TBKBP1: variants seen among roughly 807,000 people sequenced by gnomAD.
TBKBP1 encodes TBK1 binding protein 1, also known as TANK-binding kinase 1-binding protein 1.
In TBKBP1, 47 loss-of-function variants were observed where a neutral mutation model predicts 69.9. The observed-to-expected ratio is 0.67, with a 90% CI of 0.53 to 0.86. The LOEUF is 0.86. Among genes scored for constraint, TBKBP1 ranks in the 40% least tolerant of loss-of-function variants. The pLI is 0.00. For synonymous variants in TBKBP1, 418 were observed against 390.3 expected, an observed-to-expected ratio of 1.07 and a Z score of -0.84; for missense variants, 831 against 858.6, an observed-to-expected ratio of 0.97 and a Z score of 0.40.
In TBKBP1 at chr17:47,711,825, A is replaced by C. The variant is rs2031935260; in HGVS notation, c.*1199A>C. 6.6e-6 allele frequency: 1 copy of C among 152,524 alleles called. No individual in the cohort carries two copies. Among genetic ancestry groups the C allele is most frequent in the African/African-American group, 2.4e-5 (1 of 41,380 alleles). The allele number at this position is 152,524 out of a possible 1,614,324, so 9.4% of individuals were successfully genotyped here. ...GAGCAGTGGCCGCTACCGACAGCGC[A>C]TGTCCCGCTCTTATCCAACTCTTCC... On this transcript the variant is annotated 3_prime_UTR_variant, in exon 10 of 10. Transcript: ENST00000578982.
At position 47,700,274 on chromosome 17, in the gene TBKBP1, C is replaced by A. The variant is rs559185063; in HGVS notation, c.872+577C>A. On this transcript the variant is annotated intron_variant, in intron 7 of 9. Transcript: ENST00000578982. Reference sequence around the variant, plus strand: ...AAAGTGCTGGGATTATAGGAGTGAGCCACTGCGCCCGGACCTTTTTTTTTT... The same window carrying A: ...AAAGTGCTGGGATTATAGGAGTGAGACACTGCGCCCGGACCTTTTTTTTTT... 9.3e-5 allele frequency among the ~76,000 whole-genome samples: 11 copies of A among 117,888 alleles called. No individual in the cohort carries two copies. In the East Asian group the frequency reaches 2.6e-3, roughly 27 times the overall value. 77.3% of individuals were successfully genotyped at this position (117,888 alleles called of 152,430 possible).
rs777036369 is a variant in TBKBP1 at position 47,696,262 on chromosome 17, C to T, written c.150C>T (p.Asp50=). ...TTGCCCTCATCACTGCTTACGGAGA[C>T]ATCAAGGAACGGCTGGGGGGCCTGG... is the stretch of plus-strand genomic sequence containing the variant. ...SHFALITAYG[D]IKERLGGLER... The change falls in exon 2 of 10, where the codon GAC becomes GAT. Residue 50 remains aspartate (D), a synonymous_variant. Transcript: ENST00000578982. 1.2e-6 allele frequency: 2 copies of T among 1,613,568 alleles called. No individual in the cohort carries two copies. The highest frequency in any genetic ancestry group is 2.7e-5 in the African/African-American group (2 of 74,900).
Position 47,708,338 on chromosome 17 carries a change from G to A in TBKBP1, c.873-56G>A. The A allele has an allele frequency of 6.3e-7, 1 of 1,584,738 alleles. No homozygotes were observed. The highest frequency in any genetic ancestry group is 8.7e-7 in the Non-Finnish European group (1 of 1,155,944). On this transcript the variant is annotated intron_variant, in intron 7 of 9. Coordinates refer to ENST00000578982, the MANE Select transcript of TBKBP1 (RefSeq NM_001394755.1). This position sits in a 1 kb window ranked among gnomAD's most constrained non-coding sequence, Gnocchi z 4.4. Reference sequence around the variant, plus strand: ...GGGTAGAGCCAGTTCTTCCTCCACAGCTGGGACGGTAGACCCACTGCCCTT... The same window carrying A: ...GGGTAGAGCCAGTTCTTCCTCCACAACTGGGACGGTAGACCCACTGCCCTT...
intron 1 of TBKBP1, chr17:47,695,283 C>A (rs1429469324): frequency 2.0e-5 from 3 of 152,630 alleles, no homozygotes; most frequent in African/African-American, 7.2e-5. Context: ...ACACACGCAC[C>A]CCCTCACTGC....
chr17:47,699,825 T>TC, intron 7 of TBKBP1, 128 bp downstream of exon 7: 1 of 204,242 alleles, frequency 4.9e-6, no homozygotes, highest in Non-Finnish European at 8.9e-6. Flanking sequence ...GGTGGGGTTC[T>TC]TTTTTTTTTT....
intron 7 of TBKBP1, among the ~76,000 whole-genome samples, chr17:47,703,872 G>A (rs1047212817): frequency 3.9e-5 from 6 of 152,166 alleles, no homozygotes; most frequent in African/African-American, 1.4e-4. Flanking sequence ...GCAGGGAAGT[G>A]AAGTAATCTG....
In TBKBP1 at chr17:47,711,551, GA is replaced by G. The variant is rs1270424290; in HGVS notation, c.*926del. 6.6e-6 allele frequency: 1 copy of G among 152,638 alleles called. No homozygotes were observed. Among genetic ancestry groups the G allele is most frequent in the South Asian group, 2.1e-4 (1 of 4,832 alleles). 9.5% of individuals were successfully genotyped at this position (152,638 alleles called of 1,614,324 possible). The stretch of plus-strand genomic sequence containing the variant: ...GCCCCTGCCTCCCAGGCCAGAACCT[GA>G]GAACGGGCCCAGGGTGCTGTGGAGA... On this transcript the variant is annotated 3_prime_UTR_variant, in exon 10 of 10. Transcript: ENST00000578982.
At position 47,708,929 on chromosome 17, in the gene TBKBP1, G is replaced by T; in HGVS notation, c.1196G>T (p.Arg399Leu). 2 of 1,282,454 alleles carry T rather than the reference G, an allele frequency of 1.6e-6. No individual in the cohort carries two copies. Among genetic ancestry groups the T allele is most frequent in the South Asian group, 1.7e-5 (1 of 60,474 alleles). 79.4% of individuals were successfully genotyped at this position (1,282,454 alleles called of 1,614,324 possible). ...PSCPSPVPQR[R>L]SPVPPSCQSP... ...TGCCCGTCGCCCGTCCCGCAGCGCC[G>T]CTCGCCGGTGCCGCCGTCGTGCCAG... Residue 399 changes from arginine (R) to leucine (L), a missense_variant, in exon 9 of 10, where the codon CGC (arginine) becomes CTC (leucine). Physicochemically the swap from Arg to Leu is moderately radical, Grantham distance 102. Transcript: ENST00000578982. This position sits in a 1 kb window ranked among gnomAD's most constrained non-coding sequence, Gnocchi z 4.4.
chr17:47,701,354 G>GACAC (rs145407261), intron 7 of TBKBP1, among the ~76,000 whole-genome samples: 8,625 of 143,844 alleles, frequency 0.06, 382 homozygotes, highest in East Asian at 0.15. Context: ...GACACACACA[G>GACAC]ACACACACAC....
rs55849029 is a variant in TBKBP1, at chr17:47,706,828, G to GACACACACACAC, written c.873-1535_873-1524dup. On this transcript the variant is annotated intron_variant, in intron 7 of 9. Coordinates refer to ENST00000578982, the MANE Select transcript of TBKBP1 (RefSeq NM_001394755.1). ...CTCCTCTCCTTTAGGGTTAGACTTAGACACACACACACACACACACACACA... is the reference window on the plus strand; with the variant it reads ...CTCCTCTCCTTTAGGGTTAGACTTAGACACACACACACACACACACACACACACACACACACA... 1.2e-3 allele frequency among the ~76,000 whole-genome samples: 159 copies of GACACACACACAC among 134,216 alleles called. 1 individual carries two copies. The highest frequency in any genetic ancestry group is 1.8e-3 in the South Asian group (7 of 3,944). The allele number at this position is 134,216 out of a possible 152,430, so 88.1% of individuals were successfully genotyped here. A position where few individuals can be genotyped will look rare whatever the true frequency, so the allele number is the denominator to read the frequency against.
intron 6 of TBKBP1, 29 bp from the exon 7 acceptor site, chr17:47,699,607 G>C (rs898491025): frequency 2.2e-5 from 36 of 1,613,860 alleles, no homozygotes; most frequent in Non-Finnish European, 2.8e-5. Flanking sequence ...GGTGAGCTTG[G>C]GCTCTGACCT....
rs571834162 is a variant in TBKBP1 at position 47,696,486 on chromosome 17, G to A, written c.225+149G>A. On this transcript the variant is annotated intron_variant, in intron 2 of 9. Coordinates refer to ENST00000578982, the MANE Select transcript of TBKBP1 (RefSeq NM_001394755.1). ...CTCCCATGAGAGACGTGGCTGTTCCGGATGCGAACTGTCTCCTGTTGGCTT... is the reference window on the plus strand; with the variant it reads ...CTCCCATGAGAGACGTGGCTGTTCCAGATGCGAACTGTCTCCTGTTGGCTT... 66 of 1,141,170 alleles carry A rather than the reference G, an allele frequency of 5.8e-5. No homozygotes were observed. The East Asian group carries it at 1.3e-3, about 23-fold the overall frequency. The allele number at this position is 1,141,170 out of a possible 1,614,324, so 70.7% of individuals were successfully genotyped here. A position where few individuals can be genotyped will look rare whatever the true frequency, so the allele number is the denominator to read the frequency against.
chr17:47,696,632 G>C, intron 2 of TBKBP1, 79 bp from the exon 3 acceptor site: 1 of 1,604,278 alleles, frequency 6.2e-7, no homozygotes, highest in Non-Finnish European at 8.5e-7. Context: ...GGCAGGTTGT[G>C]GGTTGGGGGC....
Position 47,708,994 on chromosome 17 carries a change from T to C in TBKBP1, c.1261T>C (p.Cys421Arg). The C allele has an allele frequency of 7.1e-6, 8 of 1,124,836 alleles. No individual in the cohort carries two copies. Among genetic ancestry groups the C allele is most frequent in the Non-Finnish European group, 8.7e-6 (8 of 920,508 alleles). The allele number at this position is 1,124,836 out of a possible 1,614,324, so 69.7% of individuals were successfully genotyped here. ...PQRRSPVPPS[C>R]PAPQPRPPPP... The stretch of plus-strand genomic sequence containing the variant: ...GCGCCGTTCCCCGGTGCCCCCCAGC[T>C]GCCCGGCCCCGCAGCCCCGGCCACC... The change falls in exon 9 of 10, where the codon TGC becomes CGC. Residue 421 changes from cysteine (C) to arginine (R), a missense_variant. Coordinates refer to ENST00000578982, the MANE Select transcript of TBKBP1 (RefSeq NM_001394755.1). The surrounding 1 kb of genome is among the most constrained non-coding windows in gnomAD (Gnocchi z 4.4).
intron 9 of TBKBP1, 61 bp downstream of exon 9, chr17:47,709,513 G>C: frequency 7.0e-7 from 1 of 1,432,350 alleles, no homozygotes; most frequent in Non-Finnish European, 9.1e-7. Flanking sequence ...AGACCCCAGC[G>C]CCTCACCCTC....
At position 47,697,258 on chromosome 17, in the gene TBKBP1, T is replaced by A; in HGVS notation, c.453+65T>A. The A allele has an allele frequency of 5.0e-6, 7 of 1,402,576 alleles. No homozygotes were observed. The South Asian group carries it at 8.7e-5, about 17-fold the overall frequency. 86.9% of individuals were successfully genotyped at this position (1,402,576 alleles called of 1,614,324 possible). On this transcript the variant is annotated intron_variant, in intron 4 of 9. Transcript: ENST00000578982. The stretch of plus-strand genomic sequence containing the variant: ...CTGGTTGTGTGTGTGCATGTGTGCA[T>A]TTAGTTCTGTGTGTGAGGATTCCAG...
Position 47,698,659 on chromosome 17 carries a change from A to G in TBKBP1, c.518A>G (p.Gln173Arg), listed in dbSNP as rs781370878. ...TTGGAGCAGCAGCTGCGGCAACAGC[A>G]AGGCCTCCAGGATGCAGCCTTCTCC... ...CGLEQQLRQQQGLQDAAFSNL... is the reference protein window; with the variant it reads ...CGLEQQLRQQRGLQDAAFSNL... Residue 173 changes from glutamine to arginine, a missense_variant, in exon 5 of 10, where the codon CAA (glutamine) becomes CGA (arginine). Coordinates refer to ENST00000578982, the MANE Select transcript of TBKBP1 (RefSeq NM_001394755.1). 18 of 1,603,388 alleles carry G rather than the reference A, an allele frequency of 1.1e-5. No individual in the cohort carries two copies. In the South Asian group the frequency reaches 2.0e-4, roughly 18 times the overall value.
Position 47,709,311 on chromosome 17 carries a change from G to T in TBKBP1, c.1578G>T (p.Trp526Cys). The T allele has an allele frequency of 6.5e-7, 1 of 1,529,670 alleles. No individual in the cohort carries two copies. The highest frequency in any genetic ancestry group is 8.7e-7 in the Non-Finnish European group (1 of 1,145,474). 94.8% of individuals were successfully genotyped at this position (1,529,670 alleles called of 1,614,324 possible). A position where few individuals can be genotyped will look rare whatever the true frequency, so the allele number is the denominator to read the frequency against. The change falls in exon 9 of 10, where the codon TGG becomes TGT. Residue 526 changes from tryptophan to cysteine, a missense_variant. Physicochemically the swap from Trp to Cys is radical, Grantham distance 215 (BLOSUM62 -2). Coordinates refer to ENST00000578982, the MANE Select transcript of TBKBP1 (RefSeq NM_001394755.1). ...FEKQPSEEDE[W>C]AVPTSPPSPE... Reference sequence around the variant, plus strand: ...AGCAGCCGTCGGAGGAGGACGAGTGGGCTGTGCCCACCAGCCCGCCCAGCC... The same window carrying T: ...AGCAGCCGTCGGAGGAGGACGAGTGTGCTGTGCCCACCAGCCCGCCCAGCC...
rs1439731971 is a variant in TBKBP1 at position 47,710,466 on chromosome 17, G to A, written c.1720-32G>A. ...TGTGGGGACCATGGGTGGGGGCTGG[G>A]GACCATAAGTGACTTCCTTCTCTCT... is the stretch of plus-strand genomic sequence containing the variant. On this transcript the variant is annotated intron_variant, in intron 9 of 9. Transcript: ENST00000578982. 9 of 1,590,784 alleles carry A rather than the reference G, an allele frequency of 5.7e-6. No individual in the cohort carries two copies. In the South Asian group the frequency reaches 8.9e-5, roughly 16 times the overall value.
Sources: gnomAD v4.1 joint callset for allele counts (sites outside exome capture counted in the v4.1 genomes callset) on GRCh38, gnomAD v4.1.1 for gene constraint, Gnocchi (gnomAD v3.1) non-coding constraint, MANE v1.5 for transcripts, NCBI Gene and HGNC (gene_info 2026-07-23, HGNC 2026-07-21) for gene names.